The following GRM8 variants were observed in gnomAD, a reference collection of about 807,000 sequenced individuals.
The protein encoded by GRM8 is glutamate metabotropic receptor 8.
A neutral mutation model predicts 87.2 loss-of-function variants in GRM8; 47 were observed. The ratio of observed to expected loss-of-function variants is 0.54; its 90% CI spans 0.43 to 0.69. The LOEUF (loss-of-function observed/expected upper bound fraction) is 0.69. GRM8 is among the 30% of genes least tolerant of loss of function. GRM8 has a pLI of 0.00. For synonymous variants in GRM8, 396 were observed against 404.5 expected (o/e 0.98, Z 0.25); for missense variants, 1,019 against 1,139.2 (o/e 0.89, Z 1.52).
intron 8 of GRM8, among the ~76,000 whole-genome samples, chr7:126,585,426 C>A (rs2151024005): frequency 6.6e-6 from 1 of 152,262 alleles, no homozygotes; most frequent in Admixed American, 6.5e-5. Flanking sequence ...ACGAAATCCA[C>A]CCGTTACACA....
At chr7:126,457,184 A>C (rs1584674759) in intron 9 of GRM8, among the ~76,000 whole-genome samples, 1 of 151,680 alleles carries the variant, frequency 6.6e-6, no homozygotes, top group Non-Finnish European at 1.5e-5. Flanking sequence ...GAAATGACTG[A>C]TGCATTAAAG....
chr7:126,563,522 C>A (rs971225814), intron 8 of GRM8, among the ~76,000 whole-genome samples: 17 of 152,196 alleles, frequency 1.1e-4, no homozygotes, highest in African/African-American at 3.9e-4. Flanking sequence ...CCAAGACATG[C>A]CAGAGGCAGC....
At chr7:126,579,015 T>C (rs1238765578) in intron 8 of GRM8, among the ~76,000 whole-genome samples, 3 of 152,290 alleles carry the variant, frequency 2.0e-5, no homozygotes, top group African/African-American at 7.2e-5. Flanking sequence ...GACTTTTTCA[T>C]GGCCATTATC....
chr7:127,171,318 G>T (rs942643646), intron 2 of GRM8, among the ~76,000 whole-genome samples: 2 of 152,348 alleles, frequency 1.3e-5, no homozygotes, highest in East Asian at 3.9e-4. Flanking sequence ...GACAACAAAG[G>T]ATTTAGAAAA....
chr7:126,936,757 G>A (rs1806373237), intron 3 of GRM8, among the ~76,000 whole-genome samples: 1 of 152,072 alleles, frequency 6.6e-6, no homozygotes, highest in Admixed American at 6.6e-5. Context: ...GCAACCCCCG[G>A]GGACTCAGCA....
intron 6 of GRM8, among the ~76,000 whole-genome samples, chr7:126,871,512 A>G (rs1799092259): frequency 6.6e-6 from 1 of 152,206 alleles, no homozygotes; most frequent in Non-Finnish European, 1.5e-5. Flanking sequence ...TATACATTGT[A>G]TGTGTGCACT....
intron 7 of GRM8, among the ~76,000 whole-genome samples, chr7:126,675,952 TTC>T (rs1393480104): frequency 3.9e-5 from 6 of 152,166 alleles, no homozygotes; most frequent in African/African-American, 1.4e-4. Flanking sequence ...CTCAAACTAT[TTC>T]TGTTTGCTGA....
At chr7:126,766,596 C>T (rs1281215676) in intron 7 of GRM8, among the ~76,000 whole-genome samples, 5 of 151,998 alleles carry the variant, frequency 3.3e-5, no homozygotes, top group Admixed American at 3.3e-4. Flanking sequence ...TGGCAGTTGC[C>T]TTATAAAGCT....
intron 3 of GRM8, among the ~76,000 whole-genome samples, chr7:127,063,557 C>T (rs1397608911): frequency 2.0e-5 from 3 of 152,170 alleles, no homozygotes. Flanking sequence ...ACCTGGGTGA[C>T]ACAGTAAGAC....
intron 3 of GRM8, among the ~76,000 whole-genome samples, chr7:126,975,226 A>C (rs1485222133): frequency 6.6e-6 from 1 of 152,156 alleles, no homozygotes; most frequent in Non-Finnish European, 1.5e-5. Context: ...CATGTTCATG[A>C]CCAGAACACA....
At chr7:126,989,273 A>C (rs1650240636) in intron 3 of GRM8, among the ~76,000 whole-genome samples, 1 of 152,128 alleles carries the variant, frequency 6.6e-6, no homozygotes, top group Non-Finnish European at 1.5e-5. Context: ...AAATTCTCTT[A>C]ATCTTTTATC....
intron 9 of GRM8, among the ~76,000 whole-genome samples, chr7:126,502,606 C>T (rs2150702745): frequency 6.6e-6 from 1 of 152,158 alleles, no homozygotes; most frequent in South Asian, 2.1e-4. Context: ...TCTGCAGATA[C>T]CTGGTGTTTT....
chr7:126,704,675 T>A (rs1307929057), intron 7 of GRM8, among the ~76,000 whole-genome samples: 2 of 152,100 alleles, frequency 1.3e-5, no homozygotes, highest in Non-Finnish European at 1.5e-5. Context: ...TCTGGCTGTC[T>A]TCTATGGTCG....
rs541183726 is a variant in GRM8, at chr7:126,458,154, G to T, written c.2431-11782C>A. Among the ~76,000 whole-genome samples, 13 of 150,688 alleles carry T rather than the reference G, an allele frequency of 8.6e-5. No individual in the cohort carries two copies. The South Asian group carries it at 2.5e-3, about 29-fold the overall frequency. On this transcript the variant is annotated intron_variant, in intron 9 of 10. Coordinates refer to ENST00000339582, the MANE Select transcript of GRM8 (RefSeq NM_000845.3). ...CTTGATCAGTTAAAATAATTTCAGA[G>T]AAGACAAAAAAAGAAACATGAGAAC...
At chr7:127,125,104 T>C (rs923485446) in intron 2 of GRM8, among the ~76,000 whole-genome samples, 1 of 152,136 alleles carries the variant, frequency 6.6e-6, no homozygotes, top group Non-Finnish European at 1.5e-5. Context: ...GACACAAGAC[T>C]GTCCATTTCA....
chr7:127,121,195 C>A (rs886828959), intron 2 of GRM8, among the ~76,000 whole-genome samples: 1 of 152,148 alleles, frequency 6.6e-6, no homozygotes, highest in Admixed American at 6.5e-5. Context: ...TTTTCCTTTG[C>A]GCCCTCTACA....
At chr7:126,454,384 G>A (rs998119511) in intron 9 of GRM8, among the ~76,000 whole-genome samples, 10 of 151,680 alleles carry the variant, frequency 6.6e-5, no homozygotes, top group African/African-American at 1.2e-4. Context: ...GTAGTTTTGC[G>A]AAAGGCACTA....
chr7:126,759,128 C>G (rs1028323865), intron 7 of GRM8, among the ~76,000 whole-genome samples: 1 of 152,012 alleles, frequency 6.6e-6, no homozygotes, highest in African/African-American at 2.4e-5. Context: ...AAACTCCTGA[C>G]TTCAAGTGAT....
intron 6 of GRM8, among the ~76,000 whole-genome samples, chr7:126,773,427 T>C (rs1318017963): frequency 6.6e-6 from 1 of 152,102 alleles, no homozygotes; most frequent in Non-Finnish European, 1.5e-5. Flanking sequence ...TTACAACCCA[T>C]GGAATTCATG....
Sources: gnomAD v4.1 joint callset for allele counts (sites outside exome capture counted in the v4.1 genomes callset) on GRCh38, gnomAD v4.1.1 for gene constraint, MANE v1.5 for transcripts, NCBI Gene and HGNC (gene_info 2026-07-23, HGNC 2026-07-21) for gene names.